FBXW7: variants seen among roughly 807,000 people sequenced by gnomAD.
FBXW7 encodes F-box and WD repeat domain containing 7.
In FBXW7, 11 loss-of-function variants were observed where a neutral mutation model predicts 86.3. The ratio of observed to expected loss-of-function variants is 0.13; its 90% CI spans 0.08 to 0.21. The LOEUF is 0.21. Among genes scored for constraint, FBXW7 ranks in the 10% least tolerant of loss-of-function variants. FBXW7 has a pLI of 1.00. For missense variants in FBXW7, 488 were observed against 847.4 expected, an observed-to-expected ratio of 0.58 and a Z score of 5.27; for synonymous variants, 313 against 297.9, an observed-to-expected ratio of 1.05 and a Z score of -0.52.
At chr4:152,449,673 T>C (rs1741733033) in intron 2 of FBXW7, among the ~76,000 whole-genome samples, 1 of 152,204 alleles carries the variant, frequency 6.6e-6, no homozygotes, top group Non-Finnish European at 1.5e-5. Context: ...ATTTAAAAGA[T>C]TATTTTAAAA....
At chr4:152,480,860 T>C (rs773410634) in intron 2 of FBXW7, among the ~76,000 whole-genome samples, 2 of 152,202 alleles carry the variant, frequency 1.3e-5, no homozygotes, top group Non-Finnish European at 2.9e-5. Flanking sequence ...TAGCAGAGGT[T>C]ATTTCATGAG....
At chr4:152,396,512 C>G (rs1736430018) in intron 4 of FBXW7, among the ~76,000 whole-genome samples, 1 of 152,012 alleles carries the variant, frequency 6.6e-6, no homozygotes, top group South Asian at 2.1e-4. Context: ...TTTCTCCAGA[C>G]ACGTGTTAAA....
chr4:152,382,230 T>C (rs1579052678), intron 4 of FBXW7: 1 of 1,593,186 alleles, frequency 6.3e-7, no homozygotes, highest in South Asian at 1.2e-5. Flanking sequence ...ATGATGCTAA[T>C]GCTAAATATC....
chr4:152,457,777 G>C (rs1742567505), intron 2 of FBXW7, among the ~76,000 whole-genome samples: 1 of 151,630 alleles, frequency 6.6e-6, no homozygotes, highest in Admixed American at 6.6e-5. Context: ...AAACAGTCTG[G>C]AGACAAAGTA....
chr4:152,504,005 G>A (rs1747187264), intron 2 of FBXW7, among the ~76,000 whole-genome samples: 1 of 152,044 alleles, frequency 6.6e-6, no homozygotes, highest in African/African-American at 2.4e-5. Context: ...TGGGTATAGT[G>A]GAATAACTTC....
intron 2 of FBXW7, among the ~76,000 whole-genome samples, chr4:152,434,404 T>C (rs1579189285): frequency 6.6e-6 from 1 of 152,318 alleles, no homozygotes; most frequent in Middle Eastern, 3.4e-3. Context: ...AGACGTGCAA[T>C]AGCAAGCATG....
chr4:152,360,838 T>A (rs1406841228), intron 4 of FBXW7, among the ~76,000 whole-genome samples: 1 of 146,964 alleles, frequency 6.8e-6, no homozygotes. Flanking sequence ...ATATATTAAA[T>A]ATATATATAT....
chr4:152,378,972 C>T (rs1243861602), intron 4 of FBXW7, among the ~76,000 whole-genome samples: 2 of 152,120 alleles, frequency 1.3e-5, no homozygotes, highest in African/African-American at 4.8e-5. Flanking sequence ...CGCCACTACA[C>T]TCCAGCCTGG....
At chr4:152,484,922 A>C (rs1745211121) in intron 2 of FBXW7, among the ~76,000 whole-genome samples, 1 of 150,308 alleles carries the variant, frequency 6.7e-6, no homozygotes, top group Admixed American at 6.7e-5. Context: ...AGATCGCGCC[A>C]CTGCACTCTA....
At chr4:152,429,428 A>G (rs954744746) in intron 2 of FBXW7, among the ~76,000 whole-genome samples, 10 of 152,122 alleles carry the variant, frequency 6.6e-5, no homozygotes, top group African/African-American at 2.4e-4. Flanking sequence ...TGATGATTGA[A>G]GGAAAAGCAA....
intron 2 of FBXW7, among the ~76,000 whole-genome samples, chr4:152,496,373 T>C (rs79195859): frequency 1.3e-5 from 2 of 150,726 alleles, no homozygotes; most frequent in African/African-American, 4.9e-5. Context: ...AAAAAAAAAA[T>C]CTAATGAAGA....
At chr4:152,442,100 TTATAA>T (rs1246644560) in intron 2 of FBXW7, among the ~76,000 whole-genome samples, 3 of 152,226 alleles carry the variant, frequency 2.0e-5, no homozygotes, top group African/African-American at 7.2e-5. Flanking sequence ...AAGATATTGC[TTATAA>T]TATATTAATC....
intron 2 of FBXW7, among the ~76,000 whole-genome samples, chr4:152,505,398 T>C (rs1469024396): frequency 3.3e-5 from 5 of 152,232 alleles, no homozygotes; most frequent in South Asian, 2.1e-4. Context: ...GTTTTTACTT[T>C]ATGAACGTTT....
chr4:152,328,382 C>A lies in FBXW7; in HGVS notation c.1244G>T (p.Arg415Ile). 1 of 1,511,662 alleles carries A rather than the reference C, an allele frequency of 6.6e-7. No homozygotes were observed. The highest frequency in any genetic ancestry group is 8.8e-7 in the Non-Finnish European group (1 of 1,132,602). The allele number at this position is 1,511,662 out of a possible 1,614,324, so 93.6% of individuals were successfully genotyped here. Reference protein sequence around the residue: ...VWSAVTGKCLRTLVGHTGGVW... With the variant: ...VWSAVTGKCLITLVGHTGGVW... The stretch of plus-strand genomic sequence containing the variant: ...TCCACCTGTATGTCCCACTAATGTT[C>A]TCAGACACTGGAAAAACACTTAAGA... Residue 415 changes from arginine (R) to isoleucine (I), a missense_variant, in exon 11 of 14, where the codon AGA becomes ATA. By Grantham distance (97) the Arg-to-Ile change is moderately conservative (BLOSUM62 -3). Transcript: ENST00000281708.
At chr4:152,374,907 C>T (rs1734354297) in intron 4 of FBXW7, among the ~76,000 whole-genome samples, 2 of 151,818 alleles carry the variant, frequency 1.3e-5, no homozygotes, top group Non-Finnish European at 2.9e-5. Context: ...ATGATGCTGG[C>T]TTTTAAAACG....
In FBXW7 at chr4:152,433,072, T is replaced by C. The variant is rs530543643; in HGVS notation, c.-119-20543A>G. On this transcript the variant is annotated intron_variant, in intron 2 of 13. Coordinates refer to ENST00000281708, the MANE Select transcript of FBXW7 (RefSeq NM_001349798.2). Reference sequence around the variant, plus strand: ...CGCATGTATCAGAAATCCATTCTTTTCTGTCCCTGTGTACTTTCTATTGTA... The same window carrying C: ...CGCATGTATCAGAAATCCATTCTTTCCTGTCCCTGTGTACTTTCTATTGTA... 7.9e-5 allele frequency among the ~76,000 whole-genome samples: 12 copies of C among 152,358 alleles called. No homozygotes were observed. In the South Asian group the frequency reaches 1.0e-3, roughly 13 times the overall value.
chr4:152,356,645 A>T (rs1309164004), intron 4 of FBXW7, among the ~76,000 whole-genome samples: 1 of 152,198 alleles, frequency 6.6e-6, no homozygotes, highest in African/African-American at 2.4e-5. Flanking sequence ...AGGAATGCCA[A>T]GCATGTTGAG....
intron 10 of FBXW7, 98 bp downstream of exon 10, chr4:152,329,574 G>T: frequency 1.7e-6 from 1 of 576,460 alleles, no homozygotes; most frequent in South Asian, 3.3e-5. Flanking sequence ...AAATAACTAA[G>T]AATCAAAAAT....
chr4:152,428,983 A>C (rs978275006), intron 2 of FBXW7, among the ~76,000 whole-genome samples: 1 of 152,164 alleles, frequency 6.6e-6, no homozygotes, highest in African/African-American at 2.4e-5. Context: ...TGAGGTAGGG[A>C]GTTTGAGACC....
Sources: gnomAD v4.1 joint callset for allele counts (sites outside exome capture counted in the v4.1 genomes callset) on GRCh38, gnomAD v4.1.1 for gene constraint, MANE v1.5 for transcripts, NCBI Gene and HGNC (gene_info 2026-07-23, HGNC 2026-07-21) for gene names.